PPARG: variants seen among roughly 807,000 people sequenced by gnomAD.
The protein encoded by PPARG is peroxisome proliferator activated receptor gamma.
A neutral mutation model predicts 39.2 loss-of-function variants in PPARG; 17 were observed. That is an observed-to-expected ratio of 0.43 (90% confidence interval 0.30 to 0.65). The LOEUF (loss-of-function observed/expected upper bound fraction) is 0.65, where lower values mean the gene tolerates loss of function less well. Ranked by LOEUF, PPARG falls within the 30% of genes least tolerant of loss-of-function variation. The pLI is 0.13. For synonymous variants in PPARG, 223 were observed against 215.7 expected (o/e 1.03, Z -0.30); for missense variants, 406 against 585.9 (o/e 0.69, Z 3.17).
At chr3:12,344,684 C>CATAA (rs1036902472) in intron 2 of PPARG, 1 of 152,168 alleles carries the variant, frequency 6.6e-6, no homozygotes, top group Non-Finnish European at 1.5e-5. Flanking sequence ...CTCCTGTTAA[C>CATAA]ATAAGAGCGA....
At chr3:12,288,430 G>T (rs953243014), upstream of PPARG, among the ~76,000 whole-genome samples, 1 of 151,926 alleles carries the variant, frequency 6.6e-6, no homozygotes, top group Non-Finnish European at 1.5e-5. Context: ...CCCCCCTCGG[G>T]AGAGCGCCGG....
At chr3:12,293,245 A>AAGTTC (rs2046693901) in intron 1 of PPARG, among the ~76,000 whole-genome samples, 1 of 152,168 alleles carries the variant, frequency 6.6e-6, no homozygotes, top group South Asian at 2.1e-4. Flanking sequence ...TAGATTGTGT[A>AAGTTC]AGTTCAGTTC....
chr3:12,323,947 A>G (rs2047618684), intron 2 of PPARG, among the ~76,000 whole-genome samples: 3 of 152,170 alleles, frequency 2.0e-5, no homozygotes, highest in Admixed American at 2.0e-4. Context: ...AGCTGAGTCA[A>G]GTACAGCAGA....
At chr3:12,433,865 C>G (rs1288640345) in intron 7 of PPARG, 33 bp from the exon 8 acceptor site, 1 of 1,613,206 alleles carries the variant, frequency 6.2e-7, no homozygotes, top group Non-Finnish European at 8.5e-7. Flanking sequence ...TTGACTGAAC[C>G]CCCTGTTGTG....
intron 1 of PPARG, among the ~76,000 whole-genome samples, chr3:12,302,329 C>T (rs969712849): frequency 2.0e-5 from 3 of 152,098 alleles, no homozygotes; most frequent in African/African-American, 7.2e-5. Flanking sequence ...AGATAGGAAG[C>T]AGATGAGTTG....
chr3:12,328,789 G>A (rs559375404), intron 2 of PPARG, among the ~76,000 whole-genome samples: 45 of 152,314 alleles, frequency 3.0e-4, no homozygotes, highest in Non-Finnish European at 5.9e-4. Flanking sequence ...AGGCCTACAT[G>A]TAGCAGACAG....
rs184941929 is a variant in PPARG, at chr3:12,421,268, C to T, written c.1180+4114C>T. 1.8e-3 allele frequency among the ~76,000 whole-genome samples: 273 copies of T among 152,306 alleles called. 2 individuals carry two copies. The highest frequency in any genetic ancestry group is 6.6e-4 in the Non-Finnish European group (45 of 68,030). Reference sequence around the variant, plus strand: ...ACTATATCCCTAAGGTAGGCCCATACCTAGAAGCCAGGAACAGCGCTTCCT... The same window carrying T: ...ACTATATCCCTAAGGTAGGCCCATATCTAGAAGCCAGGAACAGCGCTTCCT... On this transcript the variant is annotated intron_variant, in intron 7 of 7. Transcript: ENST00000651735.
rs1455807261 is a variant in PPARG at position 12,381,443 on chromosome 3, T to G, written c.342T>G (p.Asp114Glu). Residue 114 changes from aspartate to glutamate, a missense_variant, in exon 4 of 8, where the codon GAT becomes GAG. This residue lies in a region of PPARG where 275 missense variants were observed against 458.0 expected (regional missense o/e 0.60). Transcript: ENST00000651735. Reference sequence around the variant, plus strand: ...CAATTGAATGTCGTGTCTGTGGAGATAAAGCTTCTGGATTTCACTATGGAG... The same window carrying G: ...CAATTGAATGTCGTGTCTGTGGAGAGAAAGCTTCTGGATTTCACTATGGAG... ...LMAIECRVCG[D>E]KASGFHYGVH... 6.2e-7 allele frequency: 1 copy of G among 1,613,686 alleles called. No homozygotes were observed. The highest frequency in any genetic ancestry group is 8.5e-7 in the Non-Finnish European group (1 of 1,179,794).
chr3:12,388,763 A>T (rs1280614897), intron 4 of PPARG, among the ~76,000 whole-genome samples: 1 of 152,228 alleles, frequency 6.6e-6, no homozygotes, highest in Admixed American at 6.5e-5. Flanking sequence ...AAAAGCTATT[A>T]TGAATTATTT....
chr3:12,300,748 C>G (rs2046905020), intron 1 of PPARG, among the ~76,000 whole-genome samples: 1 of 152,104 alleles, frequency 6.6e-6, no homozygotes, highest in South Asian at 2.1e-4. Context: ...TATTTGATGT[C>G]ATGTCTGATA....
intron 2 of PPARG, among the ~76,000 whole-genome samples, chr3:12,364,666 G>A (rs777501289): frequency 4.9e-4 from 75 of 152,334 alleles, no homozygotes; most frequent in Non-Finnish European, 7.8e-4. Flanking sequence ...CATCAGCAAC[G>A]AATGAGAGTT....
At chr3:12,395,078 AG>A (rs1315789396) in intron 5 of PPARG, among the ~76,000 whole-genome samples, 1 of 152,186 alleles carries the variant, frequency 6.6e-6, no homozygotes, top group Non-Finnish European at 1.5e-5. Context: ...AGGCTTCTGA[AG>A]GAACTGGTAG....
intron 2 of PPARG, among the ~76,000 whole-genome samples, chr3:12,331,316 G>A (rs1252786003): frequency 6.6e-6 from 1 of 152,170 alleles, no homozygotes; most frequent in Non-Finnish European, 1.5e-5. Context: ...TATGCCGATA[G>A]TTGAAGAGTG....
intron 7 of PPARG, among the ~76,000 whole-genome samples, chr3:12,425,485 T>C (rs988386715): frequency 6.6e-6 from 1 of 152,148 alleles, no homozygotes; most frequent in Non-Finnish European, 1.5e-5. Context: ...TGGTATTCCC[T>C]TATCTCTTCC....
At chr3:12,385,309 C>A (rs1001332829) in intron 4 of PPARG, among the ~76,000 whole-genome samples, 7 of 152,114 alleles carry the variant, frequency 4.6e-5, no homozygotes, top group African/African-American at 1.7e-4. Flanking sequence ...TTTGGTAGAT[C>A]TTCCTAAACA....
intron 7 of PPARG, among the ~76,000 whole-genome samples, chr3:12,433,245 A>G (rs1051564139): frequency 9.2e-5 from 14 of 152,232 alleles, no homozygotes; most frequent in Non-Finnish European, 1.9e-4. Flanking sequence ...GAAGTTGAAA[A>G]GGAGATTTCT....
At chr3:12,418,277 A>G (rs1181321787) in intron 7 of PPARG, among the ~76,000 whole-genome samples, 5 of 152,104 alleles carry the variant, frequency 3.3e-5, no homozygotes, top group African/African-American at 9.7e-5. Context: ...TCTAAACATT[A>G]CTTTCATTAG....
chr3:12,287,825 C>T (rs1469312525), upstream of PPARG: 3 of 135,448 alleles, frequency 2.2e-5, no homozygotes, highest in East Asian at 6.7e-4. Flanking sequence ...CGCCCCCACC[C>T]CCACCCCCAC....
intron 2 of PPARG, among the ~76,000 whole-genome samples, chr3:12,329,183 A>C (rs2047780946): frequency 1.4e-5 from 2 of 142,392 alleles, no homozygotes; most frequent in Non-Finnish European, 3.1e-5. Context: ...AAAAAAAAAA[A>C]CCTACTGCAT....
Sources: allele counts gnomAD v4.1 joint callset (sites outside exome capture counted in the v4.1 genomes callset), GRCh38; gene constraint gnomAD v4.1.1; regional missense constraint gnomAD v4.1.1; transcripts MANE v1.5; gene names NCBI Gene and HGNC (gene_info 2026-07-23, HGNC 2026-07-21).